Variants in FZR1 observed in about 807,000 individuals in gnomAD.
The protein encoded by FZR1 is fizzy-related protein homolog.
FZR1 carries 11 observed loss-of-function variants against 63.6 expected under a neutral mutation model. That is an observed-to-expected ratio of 0.17 (90% CI 0.11 to 0.29). The LOEUF is 0.29. Among genes scored for constraint, FZR1 ranks in the 10% least tolerant of loss-of-function variants. The pLI, the probability that FZR1 is intolerant of heterozygous loss-of-function variation, is 1.00. For missense variants in FZR1, 440 were observed against 687.5 expected, an observed-to-expected ratio of 0.64 and a Z score of 4.03; for synonymous variants, 328 against 297.9, an observed-to-expected ratio of 1.10 and a Z score of -1.04.
At chr19:3,518,442 G>C (rs2083074946) in intron 1 of FZR1, among the ~76,000 whole-genome samples, 1 of 152,198 alleles carries the variant, frequency 6.6e-6, no homozygotes, top group Non-Finnish European at 1.5e-5. Flanking sequence ...GGTGCTGAAA[G>C]TACAGAAGCC....
rs1388097359 is a variant in FZR1 at position 3,526,242 on chromosome 19, G to C, written c.260-17G>C. The C allele has an allele frequency of 8.1e-6, 13 of 1,611,814 alleles. No homozygotes were observed. Among genetic ancestry groups the C allele is most frequent in the Non-Finnish European group, 1.1e-5 (13 of 1,179,800 alleles). On this transcript the variant is annotated splice_polypyrimidine_tract_variant and intron_variant, in intron 4 of 13. Transcript: ENST00000441788. The surrounding 1 kb of genome is among the most constrained non-coding windows in gnomAD (Gnocchi z 5.4). The stretch of plus-strand genomic sequence containing the variant: ...CCACCCTGCCTTGCCCCGCCTCACT[G>C]TGCTTGGTGCCCGCAGACGGCCTGG...
At chr19:3,510,946 C>T (rs928368217) in intron 1 of FZR1, among the ~76,000 whole-genome samples, 2 of 152,242 alleles carry the variant, frequency 1.3e-5, no homozygotes, top group Admixed American at 6.5e-5. Context: ...TTGGGGCCCT[C>T]GCCATGAACT....
At position 3,506,462 on chromosome 19, in the gene FZR1, G is replaced by C. The variant is rs1244498257; in HGVS notation, c.-47G>C. On this transcript the variant is annotated 5_prime_UTR_variant, in exon 1 of 14. Transcript: ENST00000441788. Reference sequence around the variant, plus strand: ...GGGTCGGCGGGAGCCAGCGAGCCACGGGAGCGAGCCAGGTGAGGCGGCCGG... The same window carrying C: ...GGGTCGGCGGGAGCCAGCGAGCCACCGGAGCGAGCCAGGTGAGGCGGCCGG... 4.6e-5 allele frequency: 7 copies of C among 151,590 alleles called. No individual in the cohort carries two copies. The highest frequency in any genetic ancestry group is 1.0e-4 in the Non-Finnish European group (7 of 67,800). 9.4% of individuals were successfully genotyped at this position (151,590 alleles called of 1,614,324 possible). A position where few individuals can be genotyped will look rare whatever the true frequency, so the allele number is the denominator to read the frequency against.
In FZR1 at chr19:3,530,374, GGATGGGTGAGCA is replaced by G. The variant is rs1316751753; in HGVS notation, c.655-406_655-395del. Among the ~76,000 whole-genome samples the G allele has an allele frequency of 5.1e-4, 65 of 128,512 alleles. 1 individual carries two copies. The highest frequency in any genetic ancestry group is 3.4e-3 in the South Asian group (13 of 3,826). 84.3% of individuals were successfully genotyped at this position (128,512 alleles called of 152,430 possible). A position where few individuals can be genotyped will look rare whatever the true frequency, so the allele number is the denominator to read the frequency against. ...CAGAAGGGAGAGCGGATGGGAGAGC[GGATGGGTGAGCA>G]GATGGGTGAGCGGATGGGAGAGCGC... On this transcript the variant is annotated intron_variant, in intron 7 of 13. Transcript: ENST00000441788.
chr19:3,523,491 C>T (rs906622311), intron 2 of FZR1, among the ~76,000 whole-genome samples: 6 of 152,244 alleles, frequency 3.9e-5, no homozygotes, highest in African/African-American at 1.2e-4. Flanking sequence ...CCAGGCAGGC[C>T]ACTGGCCACA....
At chr19:3,507,146 C>T (rs1455953200) in intron 1 of FZR1, among the ~76,000 whole-genome samples, 3 of 151,400 alleles carry the variant, frequency 2.0e-5, no homozygotes, top group Admixed American at 1.3e-4. Context: ...TCTGCTCCCC[C>T]ACCCTCCCAG....
chr19:3,533,408 C>T lies in FZR1; in HGVS notation c.1347+10C>T, dbSNP rs373827306. 18 of 1,564,944 alleles carry T rather than the reference C, an allele frequency of 1.2e-5. No homozygotes were observed. The highest frequency in any genetic ancestry group is 4.1e-5 in the African/African-American group (3 of 73,924). On this transcript the variant is annotated intron_variant, in intron 12 of 13. Transcript: ENST00000441788. The surrounding 1 kb of genome is among the most constrained non-coding windows in gnomAD (Gnocchi z 4.9). The stretch of plus-strand genomic sequence containing the variant: ...CCGCGTGCTGTACCTGGTGAGTTCA[C>T]GCCAGGCACTTCAAGGTGCCCCGGG...
intron 1 of FZR1, among the ~76,000 whole-genome samples, chr19:3,522,439 G>A (rs1002429980): frequency 6.6e-6 from 1 of 152,040 alleles, no homozygotes; most frequent in Non-Finnish European, 1.5e-5. Flanking sequence ...GATGTGGCTT[G>A]TCCACAGGAG....
intron 2 of FZR1, 132 bp downstream of exon 2, chr19:3,523,190 C>A: frequency 1.4e-6 from 1 of 712,064 alleles, no homozygotes; most frequent in Non-Finnish European, 2.6e-6. Flanking sequence ...CCCCAGGTCA[C>A]ACGGGGCCTC....
rs2083044880 is a variant in FZR1, at chr19:3,514,487, C to T, written c.-35+8013C>T. Among the ~76,000 whole-genome samples the T allele has an allele frequency of 6.6e-6, 1 of 152,266 alleles. No individual in the cohort carries two copies. The highest frequency in any genetic ancestry group is 3.4e-3 in the Middle Eastern group (1 of 294). On this transcript the variant is annotated intron_variant, in intron 1 of 13. Coordinates refer to ENST00000441788, the MANE Select transcript of FZR1 (RefSeq NM_016263.4). The surrounding 1 kb of genome is among the most constrained non-coding windows in gnomAD (Gnocchi z 4.2). ...CAGGGGCACCCCCAGTCATGACAAC[C>T]ACAGATGTCCCCAGACATCACCATA... is the stretch of plus-strand genomic sequence containing the variant.
rs1288387450 is a variant in FZR1, at chr19:3,521,891, C to T, written c.-34-1065C>T. ...TTTTTTCTTGAGACAGAGTCTTGCT[C>T]TGTCACCCAGGCTGGAGTGTAGTGG... is the stretch of plus-strand genomic sequence containing the variant. On this transcript the variant is annotated intron_variant, in intron 1 of 13. Coordinates refer to ENST00000441788, the MANE Select transcript of FZR1 (RefSeq NM_016263.4). Among the ~76,000 whole-genome samples, 5 of 145,892 alleles carry T rather than the reference C, an allele frequency of 3.4e-5. No individual in the cohort carries two copies. In the Admixed American group the frequency reaches 3.4e-4, roughly 10 times the overall value.
At position 3,516,542 on chromosome 19, in the gene FZR1, G is replaced by GGAGCT. The variant is rs2083059917; in HGVS notation, c.-34-6404_-34-6400dup. 6.6e-6 allele frequency among the ~76,000 whole-genome samples: 1 copy of GGAGCT among 152,180 alleles called. No homozygotes were observed. The highest frequency in any genetic ancestry group is 6.5e-5 in the Admixed American group (1 of 15,278). ...GCTTAGAGGGGTCGCTGGGGGTCCCGGAGCTGAGCTGAGCACCGCTAGCAG... is the reference window on the plus strand; with the variant it reads ...GCTTAGAGGGGTCGCTGGGGGTCCCGGAGCTGAGCTGAGCTGAGCACCGCTAGCAG... On this transcript the variant is annotated intron_variant, in intron 1 of 13. Coordinates refer to ENST00000441788, the MANE Select transcript of FZR1 (RefSeq NM_016263.4). This position sits in a 1 kb window ranked among gnomAD's most constrained non-coding sequence, Gnocchi z 6.0.
At position 3,527,032 on chromosome 19, in the gene FZR1, C is replaced by G. The variant is rs2083166598; in HGVS notation, c.440C>G (p.Pro147Arg). Reference protein sequence around the residue: ...SSPDDGNDVSPYSLSPVSNKS... With the variant: ...SSPDDGNDVSRYSLSPVSNKS... ...CCCGATGACGGCAACGATGTGTCTC[C>G]CTACTCCCTGTCTCCCGTCAGCAAC... The change falls in exon 6 of 14, where the codon CCC becomes CGC. Residue 147 changes from proline to arginine, a missense_variant. Pro to Arg is a moderately radical substitution (Grantham distance 103, BLOSUM62 -2). Coordinates refer to ENST00000441788, the MANE Select transcript of FZR1 (RefSeq NM_016263.4). 6.2e-7 allele frequency: 1 copy of G among 1,612,186 alleles called. No individual in the cohort carries two copies. The highest frequency in any genetic ancestry group is 8.5e-7 in the Non-Finnish European group (1 of 1,179,266).
chr19:3,508,108 T>A (rs1451106470), intron 1 of FZR1, among the ~76,000 whole-genome samples: 1 of 118,662 alleles, frequency 8.4e-6, no homozygotes, highest in Non-Finnish European at 1.7e-5. Flanking sequence ...GTGGTGGGGG[T>A]AGGGGTTGGG....
intron 1 of FZR1, among the ~76,000 whole-genome samples, chr19:3,507,204 A>C (rs2082990464): frequency 3.2e-5 from 2 of 62,964 alleles, no homozygotes; most frequent in South Asian, 5.8e-4. Context: ...CTCTCCCACC[A>C]AAGCCTCAGA....
chr19:3,530,369 AGAGCGGATGGGTGAGCAGATGGGT>A (rs1304840537), intron 7 of FZR1, among the ~76,000 whole-genome samples: 4 of 121,444 alleles, frequency 3.3e-5, no homozygotes, highest in African/African-American at 7.0e-5. Flanking sequence ...AGCGGATGGG[AGAGCGGATGGGTGAGCAGATGGGT>A]GAGCGGATGG....
At chr19:3,523,178 TC>T in intron 2 of FZR1, 120 bp downstream of exon 2, 3 of 743,296 alleles carry the variant, frequency 4.0e-6, no homozygotes, top group South Asian at 1.4e-5. Flanking sequence ...CAGGTCCCAG[TC>T]CCCCAGGTCA....
At position 3,526,524 on chromosome 19, in the gene FZR1, T is replaced by C; in HGVS notation, c.387+138T>C. The C allele has an allele frequency of 1.5e-6, 1 of 660,122 alleles. No homozygotes were observed. Among genetic ancestry groups the C allele is most frequent in the Non-Finnish European group, 2.6e-6 (1 of 385,040 alleles). The allele number at this position is 660,122 out of a possible 1,614,324, so 40.9% of individuals were successfully genotyped here. A position where few individuals can be genotyped will look rare whatever the true frequency, so the allele number is the denominator to read the frequency against. On this transcript the variant is annotated intron_variant, in intron 5 of 13. Coordinates refer to ENST00000441788, the MANE Select transcript of FZR1 (RefSeq NM_016263.4). The surrounding 1 kb of genome is among the most constrained non-coding windows in gnomAD (Gnocchi z 5.4). ...CGGCTCAGCACCCCCGCCCTGACCC[T>C]GTTCCTTAGCCAGGTCAGGGGCCCT...
Position 3,526,198 on chromosome 19 carries a change from C to T in FZR1, c.259+15C>T, listed in dbSNP as rs765662263. ...CAACGGCAAAGGTTAGGGTCCCAGCCCATCCGCCCTGCAGGCCCCCACCCT... is the reference window on the plus strand; with the variant it reads ...CAACGGCAAAGGTTAGGGTCCCAGCTCATCCGCCCTGCAGGCCCCCACCCT... On this transcript the variant is annotated intron_variant, in intron 4 of 13. Coordinates refer to ENST00000441788, the MANE Select transcript of FZR1 (RefSeq NM_016263.4). The surrounding 1 kb of genome is among the most constrained non-coding windows in gnomAD (Gnocchi z 5.4). 3 of 1,612,274 alleles carry T rather than the reference C, an allele frequency of 1.9e-6. No individual in the cohort carries two copies. The highest frequency in any genetic ancestry group is 2.5e-6 in the Non-Finnish European group (3 of 1,179,936).
Sources: allele counts gnomAD v4.1 joint callset (sites outside exome capture counted in the v4.1 genomes callset), GRCh38; gene constraint gnomAD v4.1.1; non-coding constraint Gnocchi (gnomAD v3.1); transcripts MANE v1.5; gene names NCBI Gene and HGNC (gene_info 2026-07-23, HGNC 2026-07-21).